Variants in LSM4 observed in about 807,000 individuals in gnomAD.
The protein encoded by LSM4 is U6 snRNA-associated Sm-like protein LSm4.
LSM4 carries 15 observed loss-of-function variants against 22.3 expected under a neutral mutation model. That is an observed-to-expected ratio of 0.67 (90% confidence interval 0.45 to 1.03). The LOEUF is 1.03. Ranked by LOEUF, LSM4 falls within the 50% of genes least tolerant of loss-of-function variation. LSM4 has a pLI of 0.00. For synonymous variants in LSM4, 90 were observed against 79.8 expected, an observed-to-expected ratio of 1.13 and a Z score of -0.68; for missense variants, 127 against 198.0, an observed-to-expected ratio of 0.64 and a Z score of 2.15.
rs767705230 is a variant in LSM4 at position 18,307,487 on chromosome 19, C to T, written c.397G>A (p.Gly133Ser). Residue 133 changes from glycine to serine, a missense_variant, in exon 5 of 5, where the codon GGC becomes AGC. Transcript: ENST00000593829. Reference sequence around the variant, plus strand: ...GCTCACTGTTTGCCCGCCTGTCTGCCAGGCTTCTTCTCTGGCTGGCCTCTG... The same window carrying T: ...GCTCACTGTTTGCCCGCCTGTCTGCTAGGCTTCTTCTCTGGCTGGCCTCTG... ...TGRGQPEKKP[G>S]RQAGKQ 1.2e-5 allele frequency: 18 copies of T among 1,553,236 alleles called. No homozygotes were observed. Among genetic ancestry groups the T allele is most frequent in the Non-Finnish European group, 1.5e-5 (17 of 1,149,984 alleles).
intron 1 of LSM4, among the ~76,000 whole-genome samples, chr19:18,319,967 C>G (rs963513878): frequency 3.9e-5 from 6 of 152,162 alleles, no homozygotes; most frequent in Non-Finnish European, 7.4e-5. Flanking sequence ...AATAAATACA[C>G]AAGAAAAATG....
chr19:18,310,753 C>A (rs1033661230), intron 3 of LSM4, among the ~76,000 whole-genome samples: 1 of 152,182 alleles, frequency 6.6e-6, no homozygotes, highest in Non-Finnish European at 1.5e-5. Flanking sequence ...CCACCCAGGG[C>A]CCCCTCCAGC....
Position 18,317,606 on chromosome 19 carries a change from CA to C in LSM4, c.4-1542del, listed in dbSNP as rs1970371654. On this transcript the variant is annotated intron_variant, in intron 1 of 4. Transcript: ENST00000593829. ...CCGTGATCCGCCTGCCTTGGCCTCTCAAAGTGCTGGGATTACAGGCGTGAGC... is the reference window on the plus strand; with the variant it reads ...CCGTGATCCGCCTGCCTTGGCCTCTCAAGTGCTGGGATTACAGGCGTGAGC... 2.0e-5 allele frequency among the ~76,000 whole-genome samples: 3 copies of C among 152,142 alleles called. No homozygotes were observed. The South Asian group carries it at 6.2e-4, about 32-fold the overall frequency.
intron 4 of LSM4, among the ~76,000 whole-genome samples, 182 bp from the exon 5 acceptor site, chr19:18,307,737 G>T (rs1443343349): frequency 1.3e-5 from 2 of 152,092 alleles, no homozygotes; most frequent in African/African-American, 4.8e-5. Flanking sequence ...AGGAAGGCAG[G>T]AACTCCAGGG....
At chr19:18,309,557 G>T (rs780322679) in intron 4 of LSM4, 121 bp downstream of exon 4, 2 of 1,105,160 alleles carry the variant, frequency 1.8e-6, no homozygotes, top group Non-Finnish European at 1.3e-6. Flanking sequence ...GGACCAGGAG[G>T]GGGGCCCGGG....
chr19:18,309,481 G>A (rs931621542), intron 4 of LSM4, 197 bp downstream of exon 4: 9 of 582,188 alleles, frequency 1.5e-5, no homozygotes, highest in East Asian at 1.5e-4. Flanking sequence ...GCCAGGAGGC[G>A]CAGTGAGAGG....
At chr19:18,321,378 T>C (rs554315129) in intron 1 of LSM4, among the ~76,000 whole-genome samples, 2 of 152,208 alleles carry the variant, frequency 1.3e-5, no homozygotes, top group East Asian at 1.9e-4. Context: ...TTTGCAAAAA[T>C]TGTAGCGGGA....
intron 1 of LSM4, among the ~76,000 whole-genome samples, chr19:18,317,859 ATTTC>A (rs1057436155): frequency 7.9e-5 from 12 of 152,134 alleles, no homozygotes; most frequent in Admixed American, 5.2e-4. Flanking sequence ...TCATTACTGA[ATTTC>A]TTTATTATGT....
chr19:18,316,235 G>T (rs1002835635), intron 1 of LSM4, 170 bp from the exon 2 acceptor site: 25 of 555,220 alleles, frequency 4.5e-5, no homozygotes, highest in Non-Finnish European at 7.4e-5. Flanking sequence ...GCCCAGCCCT[G>T]GAACACACAC....
intron 2 of LSM4, among the ~76,000 whole-genome samples, 193 bp from the exon 3 acceptor site, chr19:18,312,895 G>A (rs918440633): frequency 6.6e-6 from 1 of 152,212 alleles, no homozygotes; most frequent in Non-Finnish European, 1.5e-5. Context: ...CAGTTAGACA[G>A]TCTATCATGA....
rs565556546 is a variant in LSM4, at chr19:18,309,923, C to T, written c.145-62G>A. 6.8e-5 allele frequency: 105 copies of T among 1,534,726 alleles called. 2 individuals carry two copies. Among genetic ancestry groups the T allele is most frequent in the African/African-American group, 4.6e-4 (33 of 72,524 alleles). On this transcript the variant is annotated intron_variant, in intron 3 of 4. Coordinates refer to ENST00000593829, the MANE Select transcript of LSM4 (RefSeq NM_012321.5). Reference sequence around the variant, plus strand: ...GGGCCGTCTGGCCCAGCCCTGGGAGCGCGGGAGGCCCTGCAGATCCTGCCC... The same window carrying T: ...GGGCCGTCTGGCCCAGCCCTGGGAGTGCGGGAGGCCCTGCAGATCCTGCCC...
intron 3 of LSM4, 84 bp from the exon 4 acceptor site, chr19:18,309,945 G>A: frequency 1.5e-6 from 2 of 1,352,590 alleles, no homozygotes; most frequent in Non-Finnish European, 1.0e-6. Flanking sequence ...TGCAGATCCT[G>A]CCCAGCCTGC....
rs1970227775 is a variant in LSM4, at chr19:18,306,777, C to T, written c.*687G>A. 2 of 152,240 alleles carry T rather than the reference C, an allele frequency of 1.3e-5. No individual in the cohort carries two copies. Among genetic ancestry groups the T allele is most frequent in the Non-Finnish European group, 2.9e-5 (2 of 68,056 alleles). 9.4% of individuals were successfully genotyped at this position (152,240 alleles called of 1,614,324 possible). ...AAAGGACATCAGTGCCTCACTGTGCCGCTGACACCTGGTGAGAACTCTCAA... is the reference window on the plus strand; with the variant it reads ...AAAGGACATCAGTGCCTCACTGTGCTGCTGACACCTGGTGAGAACTCTCAA... On this transcript the variant is annotated 3_prime_UTR_variant, in exon 5 of 5. Transcript: ENST00000593829.
intron 1 of LSM4, among the ~76,000 whole-genome samples, chr19:18,320,100 C>T (rs533552811): frequency 6.6e-6 from 1 of 152,326 alleles, no homozygotes; most frequent in South Asian, 2.1e-4. Context: ...GCTGCAATGG[C>T]CTGGGCCTGT....
intron 1 of LSM4, among the ~76,000 whole-genome samples, chr19:18,318,382 C>T (rs1054656343): frequency 1.3e-5 from 2 of 152,214 alleles, no homozygotes; most frequent in Admixed American, 6.5e-5. Context: ...CTTCCTGCAC[C>T]GGCTTCCTGG....
At chr19:18,307,576 G>C (rs113121664) in intron 4 of LSM4, 21 bp from the exon 5 acceptor site, 4 of 1,471,428 alleles carry the variant, frequency 2.7e-6, no homozygotes, top group Admixed American at 2.5e-5. Context: ...GAGAGAGGGC[G>C]CTGCAGCAGA....
At position 18,307,187 on chromosome 19, in the gene LSM4, G is replaced by T. The variant is rs1275465906; in HGVS notation, c.*277C>A. ...ATGCTGCCCTGAGAACCAGAGCGAG[G>T]GCTTGAAAGATGCCTTCAACACAGA... On this transcript the variant is annotated 3_prime_UTR_variant, in exon 5 of 5. Transcript: ENST00000593829. 2.7e-6 allele frequency: 1 copy of T among 365,774 alleles called. No individual in the cohort carries two copies. The highest frequency in any genetic ancestry group is 4.0e-5 in the East Asian group (1 of 24,830). 22.7% of individuals were successfully genotyped at this position (365,774 alleles called of 1,614,324 possible).
At chr19:18,309,956 A>G in intron 3 of LSM4, 95 bp from the exon 4 acceptor site, 2 of 1,126,984 alleles carry the variant, frequency 1.8e-6, no homozygotes, top group South Asian at 2.7e-5. Context: ...CCCAGCCTGC[A>G]CCCCGTACCA....
chr19:18,309,737 C>A lies in LSM4; in HGVS notation c.269G>T (p.Arg90Leu). ...CTGCTTCTGCTGCTGCAGGCCTCCGCGGCCGCGGCCCTTGGCCACCACCTC... is the reference window on the plus strand; with the variant it reads ...CTGCTTCTGCTGCTGCAGGCCTCCGAGGCCGCGGCCCTTGGCCACCACCTC... ...KEEVVAKGRG[R>L]GGLQQQKQQK... is the part of the protein sequence containing the mutation. Residue 90 changes from arginine to leucine, a missense_variant, in exon 4 of 5, where the codon CGC becomes CTC. Physicochemically the swap from Arg to Leu is moderately radical, Grantham distance 102 (BLOSUM62 -2). Transcript: ENST00000593829. 1 of 1,613,010 alleles carries A rather than the reference C, an allele frequency of 6.2e-7. No individual in the cohort carries two copies. Among genetic ancestry groups the A allele is most frequent in the Non-Finnish European group, 8.5e-7 (1 of 1,179,604 alleles).
Sources: gnomAD v4.1 joint callset for allele counts (sites outside exome capture counted in the v4.1 genomes callset) on GRCh38, gnomAD v4.1.1 for gene constraint, MANE v1.5 for transcripts, NCBI Gene and HGNC (gene_info 2026-07-23, HGNC 2026-07-21) for gene names.